The following MID1 variants were observed in gnomAD, a reference collection of about 807,000 sequenced individuals.
MID1 encodes the protein midline 1.
MID1 carries 7 observed loss-of-function variants against 40.4 expected under a neutral mutation model. The observed-to-expected ratio is 0.17, with a 90% CI of 0.10 to 0.33. MID1 has a LOEUF of 0.33. Ranked by LOEUF, MID1 falls within the 10% of genes least tolerant of loss-of-function variation. The probability of loss-of-function intolerance (pLI) is 1.00; values close to 1 mark genes in which losing one functional copy is unlikely to be tolerated. For synonymous variants in MID1, 229 were observed against 221.2 expected, an observed-to-expected ratio of 1.04 and a Z score of -0.31; for missense variants, 367 against 558.5, an observed-to-expected ratio of 0.66 and a Z score of 3.46.
chrX:10,513,799 G>A (rs1338992151), intron 3 of MID1, among the ~76,000 whole-genome samples: 2 of 112,411 alleles, frequency 1.8e-5, no homozygotes, highest in African/African-American at 6.5e-5. Flanking sequence ...GTGAGCCACT[G>A]TGCCTGGCCA....
chrX:10,706,474 C>T (rs1184833306), intron 1 of MID1, among the ~76,000 whole-genome samples: 2 of 110,640 alleles, frequency 1.8e-5, no homozygotes, highest in African/African-American at 6.6e-5. Context: ...TACACCCATG[C>T]TGCTGTTCTC....
At chrX:10,728,114 T>C (rs1602541659) in intron 1 of MID1, among the ~76,000 whole-genome samples, 2 of 112,258 alleles carry the variant, frequency 1.8e-5, no homozygotes, top group East Asian at 5.6e-4. Flanking sequence ...GAAGTGTTTA[T>C]TGTCTCCTAG....
chrX:10,492,776 C>T (rs998438065), intron 4 of MID1, among the ~76,000 whole-genome samples: 61 of 112,420 alleles, frequency 5.4e-4, no homozygotes, highest in African/African-American at 1.8e-3. Flanking sequence ...AGTTTTGTCT[C>T]ATTTCTGGCC....
At chrX:10,593,365 T>C (rs1935347393) in intron 1 of MID1, among the ~76,000 whole-genome samples, 2 of 111,942 alleles carry the variant, frequency 1.8e-5, no homozygotes, top group Admixed American at 9.4e-5. Flanking sequence ...TGGAACACAA[T>C]GGCAGCTCAA....
intron 1 of MID1, chrX:10,577,055 C>T (rs1382526522): frequency 8.9e-6 from 1 of 112,291 alleles, no homozygotes; most frequent in African/African-American, 3.2e-5. Flanking sequence ...CACAACTTCC[C>T]TATCCTCTGG....
At chrX:10,663,042 A>T (rs927717744) in intron 1 of MID1, among the ~76,000 whole-genome samples, 1 of 112,077 alleles carries the variant, frequency 8.9e-6, no homozygotes, top group Non-Finnish European at 1.9e-5. Flanking sequence ...AAACTGTAAC[A>T]ATTAAAAGCA....
At chrX:10,465,936 G>A (rs1929361814) in intron 7 of MID1, among the ~76,000 whole-genome samples, 1 of 112,253 alleles carries the variant, frequency 8.9e-6, no homozygotes, top group African/African-American at 3.2e-5. Flanking sequence ...ATAGAAAACT[G>A]TTAGCACTTT....
At chrX:10,648,651 A>G (rs1936286432) in intron 1 of MID1, among the ~76,000 whole-genome samples, 2 of 111,747 alleles carry the variant, frequency 1.8e-5, no homozygotes, top group South Asian at 7.6e-4. Flanking sequence ...TTTGCATTAG[A>G]AAGTGTGGCA....
At chrX:10,540,924 G>T (rs780080352) in intron 2 of MID1, among the ~76,000 whole-genome samples, 325 of 112,210 alleles carry the variant, frequency 2.9e-3, no homozygotes, top group Non-Finnish European at 4.8e-3. Context: ...CAGAGTTTGA[G>T]AAAACAATTT....
intron 1 of MID1, among the ~76,000 whole-genome samples, chrX:10,759,122 G>A (rs1426898876): frequency 1.8e-5 from 2 of 111,939 alleles, no homozygotes; most frequent in South Asian, 3.7e-4. Context: ...CTATTATTAC[G>A]CACTGAAGGT....
intron 1 of MID1, among the ~76,000 whole-genome samples, chrX:10,781,571 A>T (rs2147132807): frequency 9.0e-6 from 1 of 111,679 alleles, no homozygotes; most frequent in Non-Finnish European, 1.9e-5. Context: ...ATATTCTATA[A>T]CTCTTGTCAA....
intron 1 of MID1, among the ~76,000 whole-genome samples, chrX:10,821,930 T>C (rs747914756): frequency 9.0e-6 from 1 of 111,477 alleles, no homozygotes; most frequent in African/African-American, 3.3e-5. Flanking sequence ...GGAGATGGGC[T>C]TGGCTGGAGA....
chrX:10,793,404 A>G (rs778295886), intron 1 of MID1, among the ~76,000 whole-genome samples: 2 of 112,227 alleles, frequency 1.8e-5, no homozygotes, highest in Non-Finnish European at 3.8e-5. Context: ...TAGCAGGAGG[A>G]GGATATCAGC....
intron 5 of MID1, among the ~76,000 whole-genome samples, chrX:10,481,101 C>A (rs544468776): frequency 1.8e-5 from 2 of 112,122 alleles, no homozygotes; most frequent in Admixed American, 1.9e-4. Flanking sequence ...CACAGCCACA[C>A]CCATTTGTTT....
At chrX:10,608,510 C>T (rs369389841) in intron 1 of MID1, among the ~76,000 whole-genome samples, 217 of 111,515 alleles carry the variant, frequency 1.9e-3, no homozygotes, top group African/African-American at 6.8e-3. Flanking sequence ...TGTATGATTA[C>T]GTTTATATTC....
At chrX:10,461,296 A>G (rs991159310) in intron 7 of MID1, among the ~76,000 whole-genome samples, 5 of 108,892 alleles carry the variant, frequency 4.6e-5, no homozygotes, top group Non-Finnish European at 9.5e-5. Flanking sequence ...GACTCATAGA[A>G]GGGTTTGAGT....
intron 1 of MID1, among the ~76,000 whole-genome samples, chrX:10,711,197 C>G (rs1018690948): frequency 9.0e-6 from 1 of 111,657 alleles, no homozygotes; most frequent in Non-Finnish European, 1.9e-5. Context: ...CTTTAAGAAG[C>G]CAGGATGAAC....
At chrX:10,797,187 A>C (rs2043973145) in intron 1 of MID1, among the ~76,000 whole-genome samples, 1 of 111,629 alleles carries the variant, frequency 9.0e-6, no homozygotes, top group Non-Finnish European at 1.9e-5. Context: ...GATATTTACC[A>C]TATTCTGTCT....
intron 1 of MID1, among the ~76,000 whole-genome samples, chrX:10,702,828 T>A (rs767416628): frequency 1.8e-5 from 2 of 112,268 alleles, no homozygotes; most frequent in Non-Finnish European, 3.8e-5. Context: ...GTAATTAATG[T>A]TAAATGAGGT....
Sources: gnomAD v4.1 joint callset for allele counts (sites outside exome capture counted in the v4.1 genomes callset) on GRCh38, gnomAD v4.1.1 for gene constraint, MANE v1.5 for transcripts, NCBI Gene and HGNC (gene_info 2026-07-23, HGNC 2026-07-21) for gene names.